CSMD3: variants seen among roughly 807,000 people sequenced by gnomAD.
CSMD3 encodes the protein CUB and sushi domain-containing protein 3.
In CSMD3, 177 loss-of-function variants were observed where a neutral mutation model predicts 435.2. The ratio of observed to expected loss-of-function variants is 0.41; its 90% CI spans 0.36 to 0.46. CSMD3 has a LOEUF of 0.46. Among genes scored for constraint, CSMD3 ranks in the 20% least tolerant of loss-of-function variants. The pLI, the probability that CSMD3 is intolerant of heterozygous loss-of-function variation, is 0.34. For missense variants in CSMD3, 4,265 were observed against 4,504.6 expected (o/e 0.95, Z 1.52); for synonymous variants, 1,656 against 1,520.5 (o/e 1.09, Z -2.07).
At chr8:112,330,071 T>C (rs934126969) in intron 45 of CSMD3, among the ~76,000 whole-genome samples, 1 of 152,110 alleles carries the variant, frequency 6.6e-6, no homozygotes, top group Non-Finnish European at 1.5e-5. Flanking sequence ...CTTTAGGTTA[T>C]GTGAGGCAAA....
intron 7 of CSMD3, among the ~76,000 whole-genome samples, chr8:112,968,148 T>C (rs1365329987): frequency 6.6e-6 from 1 of 151,964 alleles, no homozygotes; most frequent in Non-Finnish European, 1.5e-5. Flanking sequence ...AAGTAGATTG[T>C]TAATCTCTAA....
intron 4 of CSMD3, among the ~76,000 whole-genome samples, chr8:113,171,251 G>A (rs2092262177): frequency 6.6e-6 from 1 of 151,870 alleles, no homozygotes; most frequent in Non-Finnish European, 1.5e-5. Flanking sequence ...TGGTATGTCT[G>A]CCTCTCTCTT....
In CSMD3 at chr8:112,265,475, A is replaced by T. The variant is rs1816853174; in HGVS notation, c.9624T>A (p.Asn3208Lys). The change falls in exon 60 of 71, where the codon AAT becomes AAA. Residue 3208 changes from asparagine (N) to lysine (K), a missense_variant. Physicochemically the swap from Asn to Lys is moderately conservative, Grantham distance 94. This residue lies in a region of CSMD3 where 3,255 missense variants were observed against 3,380.2 expected (regional missense o/e 0.96). Transcript: ENST00000297405. ...MCQPGYTMELNGSRIRTCTIN... is the reference protein window; with the variant it reads ...MCQPGYTMELKGSRIRTCTIN... ...TTGTACAAGTCCTGATTCTGGAGCC[A>T]TTCAATTCCATCGTGTAGCCTGGCT... 6.2e-7 allele frequency: 1 copy of T among 1,613,688 alleles called. No homozygotes were observed. The highest frequency in any genetic ancestry group is 1.3e-5 in the African/African-American group (1 of 74,890).
chr8:112,285,534 T>C (rs1379919328), intron 58 of CSMD3, among the ~76,000 whole-genome samples: 2 of 152,120 alleles, frequency 1.3e-5, no homozygotes, highest in South Asian at 2.1e-4. Flanking sequence ...GAAAGTTTGA[T>C]TGGGAATTAT....
chr8:113,373,335 G>C (rs942950168), intron 1 of CSMD3, among the ~76,000 whole-genome samples: 1 of 151,842 alleles, frequency 6.6e-6, no homozygotes, highest in African/African-American at 2.4e-5. Flanking sequence ...AAAATAATTG[G>C]TGATGTTATA....
intron 4 of CSMD3, among the ~76,000 whole-genome samples, chr8:113,118,601 G>A (rs1588107958): frequency 6.9e-6 from 1 of 145,790 alleles, no homozygotes. Context: ...GGTCGAGGTT[G>A]CAGTGATCTA....
chr8:112,599,174 A>G (rs1265985736), intron 22 of CSMD3, among the ~76,000 whole-genome samples: 1 of 31,028 alleles, frequency 3.2e-5, no homozygotes, highest in Non-Finnish European at 6.6e-5. Context: ...AATTTAAAAG[A>G]AAAAAAAAAC....
At chr8:113,306,654 G>A (rs1002201267) in intron 2 of CSMD3, among the ~76,000 whole-genome samples, 3 of 152,110 alleles carry the variant, frequency 2.0e-5, no homozygotes, top group African/African-American at 7.2e-5. Context: ...GGACATTGAG[G>A]GAGCAAAGGA....
rs547938077 is a variant in CSMD3 at position 112,689,827 on chromosome 8, G to A, written c.2155+41C>T. The A allele has an allele frequency of 4.3e-5, 67 of 1,547,392 alleles. No homozygotes were observed. The South Asian group carries it at 7.0e-4, about 16-fold the overall frequency. On this transcript the variant is annotated intron_variant, in intron 14 of 70. Coordinates refer to ENST00000297405, the MANE Select transcript of CSMD3 (RefSeq NM_198123.2). The stretch of plus-strand genomic sequence containing the variant: ...CAAAAGCAATTATATGCAAGGACAG[G>A]GTAACATATGCTATCTGGAAGCAAA...
At chr8:113,017,715 T>G (rs1195872447) in intron 6 of CSMD3, among the ~76,000 whole-genome samples, 1 of 152,024 alleles carries the variant, frequency 6.6e-6, no homozygotes, top group African/African-American at 2.4e-5. Context: ...TATCTTATTT[T>G]CAATAAAATA....
chr8:112,241,709 A>G lies in CSMD3; in HGVS notation c.10468+11T>C. 1 of 1,596,500 alleles carries G rather than the reference A, an allele frequency of 6.3e-7. No homozygotes were observed. Among genetic ancestry groups the G allele is most frequent in the Non-Finnish European group, 8.6e-7 (1 of 1,164,104 alleles). On this transcript the variant is annotated intron_variant, in intron 66 of 70. Transcript: ENST00000297405. Reference sequence around the variant, plus strand: ...ATAATGAACTCTAGAAAAACAAATGACATTACTAACCACTTAGCTTTGGGC... The same window carrying G: ...ATAATGAACTCTAGAAAAACAAATGGCATTACTAACCACTTAGCTTTGGGC...
At chr8:112,887,790 T>C (rs1316977263) in intron 10 of CSMD3, among the ~76,000 whole-genome samples, 1 of 151,658 alleles carries the variant, frequency 6.6e-6, no homozygotes. Context: ...CGTAAATTTT[T>C]CACAGCATTT....
chr8:112,323,571 G>A (rs1384940095), intron 45 of CSMD3, among the ~76,000 whole-genome samples: 1 of 152,008 alleles, frequency 6.6e-6, no homozygotes, highest in Non-Finnish European at 1.5e-5. Context: ...CAGGTAAGAT[G>A]GTCATGTGAT....
Position 113,227,687 on chromosome 8 carries a change from C to A in CSMD3, c.514+50905G>T, listed in dbSNP as rs979535041. Among the ~76,000 whole-genome samples the A allele has an allele frequency of 4.0e-5, 6 of 151,588 alleles. No individual in the cohort carries two copies. In the Admixed American group the frequency reaches 4.0e-4, roughly 10 times the overall value. On this transcript the variant is annotated intron_variant, in intron 3 of 70. Coordinates refer to ENST00000297405, the MANE Select transcript of CSMD3 (RefSeq NM_198123.2). ...GCCTCTCTTGTGCTCTCTCCTGCCA[C>A]CTTGTGAAGAAGATGCTTGCTTTTC... is the stretch of plus-strand genomic sequence containing the variant.
intron 47 of CSMD3, among the ~76,000 whole-genome samples, chr8:112,316,781 C>A (rs1822518667): frequency 6.6e-6 from 1 of 151,952 alleles, no homozygotes; most frequent in Non-Finnish European, 1.5e-5. Flanking sequence ...ATGTAAGCAT[C>A]CATTAAATTT....
intron 32 of CSMD3, among the ~76,000 whole-genome samples, chr8:112,413,731 C>T (rs1365325009): frequency 6.6e-6 from 1 of 152,146 alleles, no homozygotes; most frequent in African/African-American, 2.4e-5. Context: ...CCCTTTTCCA[C>T]TAAACTCTAA....
intron 14 of CSMD3, among the ~76,000 whole-genome samples, chr8:112,688,007 T>A (rs2076048966): frequency 6.6e-6 from 1 of 152,098 alleles, no homozygotes; most frequent in South Asian, 2.1e-4. Flanking sequence ...TGAAAAGGAG[T>A]AGGTAATAAA....
At chr8:113,131,261 T>C (rs140777856) in intron 4 of CSMD3, among the ~76,000 whole-genome samples, 1 of 151,850 alleles carries the variant, frequency 6.6e-6, no homozygotes, top group African/African-American at 2.4e-5. Context: ...GGGGAAAATA[T>C]CCCCAGGGCA....
chr8:112,999,197 A>G (rs572117727), intron 6 of CSMD3, among the ~76,000 whole-genome samples: 9 of 151,964 alleles, frequency 5.9e-5, no homozygotes, highest in Non-Finnish European at 1.0e-4. Flanking sequence ...ACTATGAAAA[A>G]AAAATAATGC....
Sources: allele counts gnomAD v4.1 joint callset (sites outside exome capture counted in the v4.1 genomes callset), GRCh38; gene constraint gnomAD v4.1.1; regional missense constraint gnomAD v4.1.1; transcripts MANE v1.5; gene names NCBI Gene and HGNC (gene_info 2026-07-23, HGNC 2026-07-21).